The following CHAT variants were observed in gnomAD, a reference collection of about 807,000 sequenced individuals.
CHAT encodes acetyl CoA:choline O-acetyltransferase.
A neutral mutation model predicts 76.9 loss-of-function variants in CHAT; 61 were observed. The ratio of observed to expected loss-of-function variants is 0.79; its 90% CI spans 0.65 to 0.98. CHAT has a LOEUF of 0.98. CHAT is among the 50% of genes least tolerant of loss of function. The pLI, the probability that CHAT is intolerant of heterozygous loss-of-function variation, is 0.00. For synonymous variants in CHAT, 407 were observed against 397.4 expected (o/e 1.02, Z -0.29); for missense variants, 946 against 986.9 (o/e 0.96, Z 0.56).
At chr10:49,664,720 C>A in intron 14 of CHAT, 57 bp from the exon 15 acceptor site, 2 of 1,610,592 alleles carry the variant, frequency 1.2e-6, no homozygotes, top group South Asian at 1.1e-5. Context: ...CAAGCCCAGT[C>A]GAGGCTGGCG....
At chr10:49,640,405 T>C (rs952091248) in intron 7 of CHAT, among the ~76,000 whole-genome samples, 3 of 152,020 alleles carry the variant, frequency 2.0e-5, no homozygotes, top group African/African-American at 7.2e-5. Flanking sequence ...AGCAAGAGAA[T>C]GGGGGAGGTT....
At chr10:49,634,429 A>G (rs1474451388) in intron 7 of CHAT, among the ~76,000 whole-genome samples, 1 of 152,212 alleles carries the variant, frequency 6.6e-6, no homozygotes, top group Non-Finnish European at 1.5e-5. Context: ...CTCTGGAAAA[A>G]TCTGGTGAAC....
rs553620139 is a variant in CHAT, at chr10:49,627,031, A to G, written c.934-577A>G. 5.9e-5 allele frequency among the ~76,000 whole-genome samples: 9 copies of G among 152,334 alleles called. No homozygotes were observed. In the South Asian group the frequency reaches 1.9e-3, roughly 32 times the overall value. ...CCACTCACCAGTGTGTTTAAGGCCC[A>G]TCACTGTGGCTCTATCTGTTGCTAA... On this transcript the variant is annotated intron_variant, in intron 6 of 14. Coordinates refer to ENST00000337653, the MANE Select transcript of CHAT (RefSeq NM_020549.5).
chr10:49,644,839 A>G (rs1242808172), intron 7 of CHAT, among the ~76,000 whole-genome samples: 1 of 152,226 alleles, frequency 6.6e-6, no homozygotes, highest in Non-Finnish European at 1.5e-5. Flanking sequence ...ATCTGTGTAC[A>G]CAGCAGGCAT....
intron 13 of CHAT, among the ~76,000 whole-genome samples, chr10:49,657,050 G>C (rs1840057979): frequency 6.6e-6 from 1 of 152,208 alleles, no homozygotes; most frequent in East Asian, 1.9e-4. Context: ...GTTAGAGCTG[G>C]AAAGTAGAAC....
intron 10 of CHAT, among the ~76,000 whole-genome samples, chr10:49,649,977 G>C (rs1310469256): frequency 1.3e-5 from 2 of 149,040 alleles, no homozygotes; most frequent in African/African-American, 5.0e-5. Context: ...GTTTGAATAG[G>C]TCATTTGAAT....
Position 49,667,377 on chromosome 10 carries a change from A to G in CHAT, c.*2331A>G, listed in dbSNP as rs548323343. Among the ~76,000 whole-genome samples, 18 of 152,284 alleles carry G rather than the reference A, an allele frequency of 1.2e-4. 1 individual carries two copies. In the South Asian group the frequency reaches 3.5e-3, roughly 30 times the overall value. ...ACACTGATATGACAGACTCAAACTCATATTTGCTATTCTCCGAGCACATGG... is the reference window on the plus strand; with the variant it reads ...ACACTGATATGACAGACTCAAACTCGTATTTGCTATTCTCCGAGCACATGG... On this transcript the variant is annotated 3_prime_UTR_variant, in exon 15 of 15. Transcript: ENST00000337653.
chr10:49,641,604 G>C (rs1222595010), intron 7 of CHAT, among the ~76,000 whole-genome samples: 1 of 152,150 alleles, frequency 6.6e-6, no homozygotes, highest in East Asian at 1.9e-4. Flanking sequence ...GGAAGAATAT[G>C]AGATGTGCGA....
chr10:49,647,122 C>T, intron 8 of CHAT: 1 of 210,014 alleles, frequency 4.8e-6, no homozygotes, highest in South Asian at 8.9e-5. Flanking sequence ...GGATGTCCAC[C>T]CCCGTGGCCT....
intron 7 of CHAT, among the ~76,000 whole-genome samples, chr10:49,632,623 C>T (rs1282661782): frequency 6.6e-6 from 1 of 152,144 alleles, no homozygotes; most frequent in Non-Finnish European, 1.5e-5. Context: ...AGACTGCGCT[C>T]AGATGAAACA....
At chr10:49,662,621 T>C (rs747249816) in intron 13 of CHAT, 24 bp from the exon 14 acceptor site, 4 of 1,613,772 alleles carry the variant, frequency 2.5e-6, no homozygotes, top group Non-Finnish European at 3.4e-6. Flanking sequence ...TCTCATCTCC[T>C]GTTCTTTGTC....
chr10:49,662,184 T>G (rs1225591905), intron 13 of CHAT, among the ~76,000 whole-genome samples: 1 of 152,172 alleles, frequency 6.6e-6, no homozygotes, highest in Non-Finnish European at 1.5e-5. Flanking sequence ...GGGAGTCTGT[T>G]CAGGACAGCC....
chr10:49,621,000 C>T (rs925714868), intron 4 of CHAT, among the ~76,000 whole-genome samples: 1 of 152,178 alleles, frequency 6.6e-6, no homozygotes, highest in Non-Finnish European at 1.5e-5. Context: ...CCTTCCAGAG[C>T]CCCCAGCTCT....
intron 13 of CHAT, among the ~76,000 whole-genome samples, chr10:49,661,807 G>A (rs990903160): frequency 6.6e-6 from 1 of 152,116 alleles, no homozygotes; most frequent in African/African-American, 2.4e-5. Context: ...AGCCTCAAGT[G>A]GGGGAGCTGT....
At chr10:49,628,868 T>C (rs7911574) in intron 7 of CHAT, among the ~76,000 whole-genome samples, 150,753 of 152,396 alleles carry the variant, frequency 0.99, 74,592 homozygotes, top group Middle Eastern at 1. Flanking sequence ...AGGAGGAGAA[T>C]AGCTGCCCAG....
At chr10:49,627,874 T>C in intron 7 of CHAT, 89 bp downstream of exon 7, 1 of 1,439,392 alleles carries the variant, frequency 6.9e-7, no homozygotes, top group Non-Finnish European at 9.5e-7. Context: ...CAGGGCCTCA[T>C]CCCCATCAGC....
At chr10:49,655,302 A>C in intron 12 of CHAT, 66 bp downstream of exon 12, 1 of 1,613,460 alleles carries the variant, frequency 6.2e-7, no homozygotes, top group South Asian at 1.1e-5. Flanking sequence ...CCTGGGTTGC[A>C]GTGGGCTCGG....
chr10:49,651,714 T>C (rs1303864531), intron 10 of CHAT, 170 bp from the exon 11 acceptor site: 3 of 643,724 alleles, frequency 4.7e-6, no homozygotes, highest in East Asian at 2.9e-5. Context: ...GACACTTTCA[T>C]AGGTCAAGGC....
At chr10:49,642,208 C>T (rs1474559264) in intron 7 of CHAT, among the ~76,000 whole-genome samples, 7 of 152,228 alleles carry the variant, frequency 4.6e-5, no homozygotes, top group Non-Finnish European at 5.9e-5. Flanking sequence ...TCCTGCCGTG[C>T]GCCTTCAGCC....
Sources: allele counts gnomAD v4.1 joint callset (sites outside exome capture counted in the v4.1 genomes callset), GRCh38; gene constraint gnomAD v4.1.1; transcripts MANE v1.5; gene names NCBI Gene and HGNC (gene_info 2026-07-23, HGNC 2026-07-21).